The following NRXN3 variants were observed in gnomAD, a reference collection of about 807,000 sequenced individuals.
NRXN3 encodes the protein neurexin 3, also known as neurexin III.
Under a neutral mutation model 137.6 loss-of-function variants are expected in NRXN3, and 32 were observed. The observed-to-expected ratio is 0.23, with a 90% confidence interval of 0.18 to 0.31. NRXN3 has a LOEUF of 0.31. NRXN3 is among the 10% of genes least tolerant of loss of function. NRXN3 has a pLI of 1.00. For synonymous variants in NRXN3, 798 were observed against 784.5 expected (o/e 1.02, Z -0.29); for missense variants, 1,574 against 2,062.5 (o/e 0.76, Z 4.59).
At chr14:78,793,792 G>A (rs1171037835) in intron 8 of NRXN3, among the ~76,000 whole-genome samples, 3 of 152,026 alleles carry the variant, frequency 2.0e-5, no homozygotes, top group African/African-American at 7.2e-5. Context: ...GAACTATCTA[G>A]ACCAACTGGT....
intron 13 of NRXN3, 46 bp from the exon 14 acceptor site, chr14:78,968,124 TCAC>T (rs747862503): frequency 3.0e-4 from 340 of 1,143,598 alleles, no homozygotes; most frequent in Non-Finnish European, 3.6e-4. Context: ...GTTGACATGG[TCAC>T]CACATCCTTT....
At chr14:78,706,920 A>G (rs2098357688) in intron 6 of NRXN3, among the ~76,000 whole-genome samples, 1 of 152,168 alleles carries the variant, frequency 6.6e-6, no homozygotes, top group African/African-American at 2.4e-5. Flanking sequence ...ATTGGGGATT[A>G]TATGATATGT....
At chr14:78,778,206 G>A (rs1220496958) in intron 8 of NRXN3, among the ~76,000 whole-genome samples, 1 of 152,198 alleles carries the variant, frequency 6.6e-6, no homozygotes, top group Non-Finnish European at 1.5e-5. Context: ...TGAGAAGAAG[G>A]TAATTTGTTG....
intron 4 of NRXN3, among the ~76,000 whole-genome samples, chr14:78,402,901 A>G (rs575273924): frequency 2.8e-3 from 429 of 152,316 alleles, no homozygotes; most frequent in Non-Finnish European, 4.3e-3. Flanking sequence ...ACTATTAAGG[A>G]GTAATTTTAC....
intron 15 of NRXN3, among the ~76,000 whole-genome samples, chr14:79,341,807 T>G (rs1458944808): frequency 6.6e-6 from 1 of 152,204 alleles, no homozygotes; most frequent in Non-Finnish European, 1.5e-5. Context: ...TCTGATTAAA[T>G]GTCCTCAATC....
chr14:79,190,877 C>T (rs535076054), intron 15 of NRXN3, among the ~76,000 whole-genome samples: 10 of 152,230 alleles, frequency 6.6e-5, no homozygotes, highest in African/African-American at 2.4e-4. Context: ...TAGCAGAATT[C>T]TTCAAGGTCT....
chr14:78,992,281 C>T (rs939792434), intron 15 of NRXN3, among the ~76,000 whole-genome samples: 9 of 152,176 alleles, frequency 5.9e-5, no homozygotes, highest in African/African-American at 2.2e-4. Context: ...AAGTAACATT[C>T]TCCAAGATAA....
intron 3 of NRXN3, 38 bp downstream of exon 3, chr14:78,278,700 C>T (rs1567152523): frequency 7.2e-6 from 11 of 1,520,158 alleles, no homozygotes; most frequent in East Asian, 2.4e-5. Flanking sequence ...GTGGGAATTT[C>T]CCCTCTGCTA....
At chr14:78,955,612 G>T (rs2099395501) in intron 10 of NRXN3, among the ~76,000 whole-genome samples, 1 of 152,012 alleles carries the variant, frequency 6.6e-6, no homozygotes. Context: ...GTAAATTTGG[G>T]TTGCCCTTGA....
intron 17 of NRXN3, among the ~76,000 whole-genome samples, chr14:79,686,585 T>C (rs1007296191): frequency 1.3e-5 from 2 of 152,140 alleles, no homozygotes; most frequent in African/African-American, 4.8e-5. Context: ...GCAATATAGA[T>C]ATTACCTTTT....
chr14:79,351,837 T>A (rs1036820149), intron 15 of NRXN3, among the ~76,000 whole-genome samples: 2 of 152,196 alleles, frequency 1.3e-5, no homozygotes, highest in African/African-American at 4.8e-5. Flanking sequence ...CTAAAGGCAT[T>A]GGTGTCTCAC....
At chr14:79,202,712 AT>A (rs1311261364) in intron 15 of NRXN3, among the ~76,000 whole-genome samples, 1 of 152,148 alleles carries the variant, frequency 6.6e-6, no homozygotes, top group Non-Finnish European at 1.5e-5. Flanking sequence ...CTGTGAATTC[AT>A]TCCTTTTTAT....
intron 2 of NRXN3, among the ~76,000 whole-genome samples, chr14:78,255,040 T>C (rs925352341): frequency 6.6e-6 from 1 of 151,944 alleles, no homozygotes; most frequent in Non-Finnish European, 1.5e-5. Flanking sequence ...GGCTGGAAGA[T>C]CTTGCTCTCA....
chr14:78,194,754 T>A (rs1020491117), intron 1 of NRXN3, among the ~76,000 whole-genome samples: 3 of 152,148 alleles, frequency 2.0e-5, no homozygotes, highest in African/African-American at 7.2e-5. Context: ...AGAAGGATGA[T>A]CCAGCATGCT....
Position 79,006,329 on chromosome 14 carries a change from AAAACAAAC to A in NRXN3, c.3262+18208_3262+18215del, listed in dbSNP as rs145506734. On this transcript the variant is annotated intron_variant, in intron 15 of 20. Transcript: ENST00000335750. ...TGAAAATAGGTGTGGTAAATGGCAA[AAAACAAAC>A]AAACAAACAAACAAACAAAAACCCC... 5.8e-4 allele frequency among the ~76,000 whole-genome samples: 87 copies of A among 151,204 alleles called. No individual in the cohort carries two copies. The South Asian group carries it at 9.0e-3, about 16-fold the overall frequency.
intron 15 of NRXN3, among the ~76,000 whole-genome samples, chr14:79,029,377 T>G (rs1339547101): frequency 1.3e-5 from 2 of 152,182 alleles, no homozygotes; most frequent in African/African-American, 4.8e-5. Context: ...ATATTACTGT[T>G]GTAACTGGTA....
At chr14:78,810,170 T>A (rs533896981) in intron 9 of NRXN3, 148 bp from the exon 10 acceptor site, 2 of 611,116 alleles carry the variant, frequency 3.3e-6, no homozygotes, top group Admixed American at 3.4e-5. Flanking sequence ...ACACCCACCC[T>A]TAAACTTGTA....
chr14:79,541,538 C>A (rs995525211), intron 16 of NRXN3, among the ~76,000 whole-genome samples: 5 of 152,090 alleles, frequency 3.3e-5, no homozygotes, highest in African/African-American at 1.2e-4. Flanking sequence ...CATTCCATAT[C>A]TTTTGGGGAG....
intron 15 of NRXN3, among the ~76,000 whole-genome samples, chr14:79,457,657 A>G (rs748644108): frequency 2.6e-5 from 4 of 152,186 alleles, no homozygotes; most frequent in Non-Finnish European, 5.9e-5. Context: ...AAAGCCACAA[A>G]TACACCAAAG....
Sources: allele counts gnomAD v4.1 joint callset (sites outside exome capture counted in the v4.1 genomes callset), GRCh38; gene constraint gnomAD v4.1.1; transcripts MANE v1.5; gene names NCBI Gene and HGNC (gene_info 2026-07-23, HGNC 2026-07-21).